Variants in UGT2B10 observed in about 807,000 individuals in gnomAD.
UGT2B10 encodes the protein UDP glucuronosyltransferase family 2 member B10.
Under a neutral mutation model 43.7 loss-of-function variants are expected in UGT2B10, and 51 were observed. The observed-to-expected ratio is 1.17, with a 90% CI of 0.93 to 1.47. UGT2B10 has a LOEUF of 1.47. Ranked by LOEUF, UGT2B10 falls within the 40% of genes most tolerant of loss-of-function variation. The pLI is 0.00. For missense variants in UGT2B10, 696 were observed against 617.7 expected, an observed-to-expected ratio of 1.13 and a Z score of -1.34; for synonymous variants, 225 against 209.0, an observed-to-expected ratio of 1.08 and a Z score of -0.66.
In UGT2B10 at chr4:68,822,317, T is replaced by C; in HGVS notation, c.914T>C (p.Val305Ala). 2 of 1,613,468 alleles carry C rather than the reference T, an allele frequency of 1.2e-6. No individual in the cohort carries two copies. The highest frequency in any genetic ancestry group is 2.2e-5 in the South Asian group (2 of 91,056). ...AGCTCTGGAGAAAATGGTGTTGTGG[T>C]GTTTTCTCTGGGGTCAATGGTCAGT... ...VQSSGENGVV[V>A]FSLGSMVSNM... Residue 305 changes from valine to alanine, a missense_variant, in exon 3 of 6, where the codon GTG becomes GCG. Transcript: ENST00000265403.
At chr4:68,827,112 G>A (rs1437487085) in intron 4 of UGT2B10, among the ~76,000 whole-genome samples, 1 of 151,874 alleles carries the variant, frequency 6.6e-6, no homozygotes, top group African/African-American at 2.4e-5. Context: ...AGTCCAACTG[G>A]AAATCTTGTA....
chr4:68,818,745 C>CA (rs1351277002), intron 2 of UGT2B10, among the ~76,000 whole-genome samples: 2 of 151,542 alleles, frequency 1.3e-5, no homozygotes, highest in Non-Finnish European at 3.0e-5. Flanking sequence ...GAGAGACAGA[C>CA]AAAAAGGGAA....
intron 5 of UGT2B10, among the ~76,000 whole-genome samples, chr4:68,829,048 A>G (rs1462750029): frequency 6.6e-6 from 1 of 152,028 alleles, no homozygotes; most frequent in Non-Finnish European, 1.5e-5. Context: ...ATAAATATAT[A>G]AATCTAATGG....
intron 3 of UGT2B10, among the ~76,000 whole-genome samples, chr4:68,824,730 A>C (rs937046433): frequency 9.9e-5 from 15 of 152,164 alleles, no homozygotes; most frequent in African/African-American, 3.6e-4. Context: ...AACAACATAA[A>C]AATGTCTTGG....
At chr4:68,822,618 A>G (rs980831648) in intron 3 of UGT2B10, among the ~76,000 whole-genome samples, 4 of 152,142 alleles carry the variant, frequency 2.6e-5, no homozygotes, top group Non-Finnish European at 5.9e-5. Context: ...CTTGGTATGC[A>G]TGAGTGATTC....
At position 68,825,044 on chromosome 4, in the gene UGT2B10, C is replaced by A. The variant is rs191448974; in HGVS notation, c.1000-1366C>A. Among the ~76,000 whole-genome samples the A allele has an allele frequency of 5.3e-5, 8 of 152,082 alleles. No homozygotes were observed. In the East Asian group the frequency reaches 1.5e-3, roughly 29 times the overall value. Reference sequence around the variant, plus strand: ...AAACCCTTGCAGCATTTATTTATTTCTTGTAGTAGCTTATTTTATAGACTT... The same window carrying A: ...AAACCCTTGCAGCATTTATTTATTTATTGTAGTAGCTTATTTTATAGACTT... On this transcript the variant is annotated intron_variant, in intron 3 of 5. Transcript: ENST00000265403.
chr4:68,823,547 T>C (rs917167264), intron 3 of UGT2B10, among the ~76,000 whole-genome samples: 3 of 152,144 alleles, frequency 2.0e-5, no homozygotes, highest in Non-Finnish European at 4.4e-5. Flanking sequence ...TACTGTAGTA[T>C]ATTTCAGGAC....
chr4:68,829,915 G>A (rs144221273), intron 5 of UGT2B10, among the ~76,000 whole-genome samples: 3,369 of 152,072 alleles, frequency 0.022, 56 homozygotes, highest in Admixed American at 0.035. Context: ...CTTAATCAGG[G>A]GAGTGCCATA....
chr4:68,822,989 A>G (rs1040845992), intron 3 of UGT2B10, among the ~76,000 whole-genome samples: 11 of 152,270 alleles, frequency 7.2e-5, no homozygotes, highest in African/African-American at 1.2e-4. Flanking sequence ...AATGTTTACA[A>G]TTAAGGAATG....
rs774328009 is a variant in UGT2B10 at position 68,816,317 on chromosome 4, C to A, written c.298C>A (p.Gln100Lys). Reference sequence around the variant, plus strand: ...ATTGGTTAAGAGATTGTCAGAAATTCAAAAAGATACATTTTGGTTACCTTT... The same window carrying A: ...ATTGGTTAAGAGATTGTCAGAAATTAAAAAAGATACATTTTGGTTACCTTT... The part of the protein sequence containing the change: ...MQLVKRLSEI[Q>K]KDTFWLPFSQ... The change falls in exon 1 of 6, where the codon CAA becomes AAA. Residue 100 changes from glutamine to lysine, a missense_variant. By Grantham distance (53) the Gln-to-Lys change is moderately conservative. Coordinates refer to ENST00000265403, the MANE Select transcript of UGT2B10 (RefSeq NM_001075.6). 28 of 1,612,820 alleles carry A rather than the reference C, an allele frequency of 1.7e-5. No homozygotes were observed. Among genetic ancestry groups the A allele is most frequent in the Non-Finnish European group, 2.1e-5 (25 of 1,179,364 alleles).
Position 68,816,564 on chromosome 4 carries a change from A to C in UGT2B10, c.545A>C (p.His182Pro), listed in dbSNP as rs1321831140. ...SFSPGYSFERHSGGFIFPPSY... is the reference protein window; with the variant it reads ...SFSPGYSFERPSGGFIFPPSY... ...AGTCCTGGCTACTCATTTGAAAGGC[A>C]CAGTGGAGGATTTATTTTCCCTCCT... Residue 182 changes from histidine (H) to proline (P), a missense_variant, in exon 1 of 6, where the codon CAC becomes CCC. Coordinates refer to ENST00000265403, the MANE Select transcript of UGT2B10 (RefSeq NM_001075.6). 6.2e-7 allele frequency: 1 copy of C among 1,613,138 alleles called. No individual in the cohort carries two copies.
chr4:68,816,711 G>A lies in UGT2B10; in HGVS notation c.692G>A (p.Trp231Ter). Residue 231 changes from tryptophan (W) to a stop codon, truncating the protein, a stop_gained, in exon 1 of 6, where the codon TGG becomes TAG. Coordinates refer to ENST00000265403, the MANE Select transcript of UGT2B10 (RefSeq NM_001075.6). LOFTEE classifies it high-confidence loss of function. The part of the protein sequence containing the change: ...FWFQIFNMKK[W>*]DQFYSEVLGR... ...TTCCAAATATTTAATATGAAGAAGTGGGATCAGTTTTACAGTGAAGTTTTA... is the reference window on the plus strand; with the variant it reads ...TTCCAAATATTTAATATGAAGAAGTAGGATCAGTTTTACAGTGAAGTTTTA... The A allele has an allele frequency of 6.2e-7, 1 of 1,609,006 alleles. No homozygotes were observed. The highest frequency in any genetic ancestry group is 1.3e-5 in the African/African-American group (1 of 74,740).
chr4:68,822,016 T>C (rs1737525954), intron 2 of UGT2B10, among the ~76,000 whole-genome samples: 1 of 152,152 alleles, frequency 6.6e-6, no homozygotes, highest in African/African-American at 2.4e-5. Flanking sequence ...CTCCTTTTCT[T>C]TTCTCCATTA....
rs749384384 is a variant in UGT2B10, at chr4:68,816,366, G to C, written c.347G>C (p.Trp116Ser). Residue 116 changes from tryptophan (W) to serine (S), a missense_variant, in exon 1 of 6, where the codon TGG (tryptophan) becomes TCG (serine). By Grantham distance (177) the Trp-to-Ser change is radical. Transcript: ENST00000265403. ...TTTTCACAAGAACAAGAAATCCTGT[G>C]GGCAATTAATGACATAATTAGAAAC... ...LPFSQEQEIL[W>S]AINDIIRNFC... 368 of 1,612,696 alleles carry C rather than the reference G, an allele frequency of 2.3e-4. 2 individuals are homozygous for C. The Middle Eastern group carries it at 5.0e-3, about 22-fold the overall frequency.
At position 68,818,181 on chromosome 4, in the gene UGT2B10, A is replaced by G. The variant is rs1261920088; in HGVS notation, c.867+4A>G. ...ACCTGCCAAACCCCTACCTAAGGTA[A>G]ACATACTTTCGTTGGTTTTATTTTG... On this transcript the variant is annotated splice_donor_region_variant and intron_variant, in intron 2 of 5. Transcript: ENST00000265403. 2 of 1,607,648 alleles carry G rather than the reference A, an allele frequency of 1.2e-6. No homozygotes were observed. The highest frequency in any genetic ancestry group is 3.4e-5 in the Admixed American group (2 of 58,732).
chr4:68,824,581 T>C (rs1737675508), intron 3 of UGT2B10, among the ~76,000 whole-genome samples: 2 of 152,204 alleles, frequency 1.3e-5, no homozygotes, highest in African/African-American at 4.8e-5. Flanking sequence ...TCTAATTTCC[T>C]ATCTGATAAA....
Position 68,827,612 on chromosome 4 carries a change from C to T in UGT2B10, c.1307+64C>T, listed in dbSNP as rs186139618. ...GATAGCTTTTCTTGTCAGTAGTGAG[C>T]ATGAGTTTCATCCTTTTTATAAGAG... On this transcript the variant is annotated intron_variant, in intron 5 of 5. Coordinates refer to ENST00000265403, the MANE Select transcript of UGT2B10 (RefSeq NM_001075.6). 31 of 1,592,676 alleles carry T rather than the reference C, an allele frequency of 1.9e-5. No homozygotes were observed. In the African/African-American group the frequency reaches 3.6e-4, roughly 19 times the overall value.
Position 68,831,995 on chromosome 4 carries a change from A to T in UGT2B10, c.*1116A>T, listed in dbSNP as rs1738118730. Among the ~76,000 whole-genome samples, 1 of 152,066 alleles carries T rather than the reference A, an allele frequency of 6.6e-6. No homozygotes were observed. On this transcript the variant is annotated 3_prime_UTR_variant, in exon 6 of 6. Coordinates refer to ENST00000265403, the MANE Select transcript of UGT2B10 (RefSeq NM_001075.6). Reference sequence around the variant, plus strand: ...TGGATCTCTTATGAATAACAAATTTATCCTTAATAAAGTCTCTATACTAAA... The same window carrying T: ...TGGATCTCTTATGAATAACAAATTTTTCCTTAATAAAGTCTCTATACTAAA...
chr4:68,826,450 G>A lies in UGT2B10; in HGVS notation c.1040G>A (p.Gly347Asp), dbSNP rs200803372. 1,108 of 1,612,136 alleles carry A rather than the reference G, an allele frequency of 6.9e-4. No individual in the cohort carries two copies. The highest frequency in any genetic ancestry group is 8.4e-4 in the Non-Finnish European group (987 of 1,179,176). Reference sequence around the variant, plus strand: ...GATGGGAATAAACCAGATGCCTTAGGTCTCAATACTCGACTGTACAAGTGG... The same window carrying A: ...GATGGGAATAAACCAGATGCCTTAGATCTCAATACTCGACTGTACAAGTGG... ...RFDGNKPDAL[G>D]LNTRLYKWIP... The change falls in exon 4 of 6, where the codon GGT becomes GAT. Residue 347 changes from glycine (G) to aspartate (D), a missense_variant. By Grantham distance (94) the Gly-to-Asp change is moderately conservative. Transcript: ENST00000265403.
Sources: gnomAD v4.1 joint callset for allele counts (sites outside exome capture counted in the v4.1 genomes callset) on GRCh38, gnomAD v4.1.1 for gene constraint, MANE v1.5 for transcripts, NCBI Gene and HGNC (gene_info 2026-07-23, HGNC 2026-07-21) for gene names.